Variants in METTL25 observed in about 807,000 individuals in gnomAD.
METTL25 encodes the protein methyltransferase like 25.
A neutral mutation model predicts 71.6 loss-of-function variants in METTL25; 64 were observed. That is an observed-to-expected ratio of 0.89 (90% CI 0.73 to 1.10). The LOEUF (loss-of-function observed/expected upper bound fraction) is 1.10. Ranked by LOEUF, METTL25 falls within the 50% of genes least tolerant of loss-of-function variation. METTL25 has a pLI of 0.00. For missense variants in METTL25, 807 were observed against 707.0 expected (o/e 1.14, Z -1.60); for synonymous variants, 287 against 250.3 (o/e 1.15, Z -1.38).
At chr12:82,454,490 G>A (rs927089559) in intron 8 of METTL25, among the ~76,000 whole-genome samples, 1 of 151,926 alleles carries the variant, frequency 6.6e-6, no homozygotes, top group African/African-American at 2.4e-5. Context: ...TTTTTTTCCT[G>A]TTATTGCTAA....
At chr12:82,445,442 C>T (rs1161794215) in intron 8 of METTL25, among the ~76,000 whole-genome samples, 1 of 151,790 alleles carries the variant, frequency 6.6e-6, no homozygotes, top group African/African-American at 2.4e-5. Context: ...AATTTTATAG[C>T]CACCTCTTAT....
intron 5 of METTL25, among the ~76,000 whole-genome samples, chr12:82,421,672 G>C (rs1262786425): frequency 6.6e-6 from 1 of 151,928 alleles, no homozygotes; most frequent in Non-Finnish European, 1.5e-5. Context: ...GAAGAAAAGA[G>C]AAAAGAATCA....
chr12:82,416,748 C>T (rs2137080637), intron 5 of METTL25, among the ~76,000 whole-genome samples: 1 of 152,206 alleles, frequency 6.6e-6, no homozygotes, highest in East Asian at 1.9e-4. Flanking sequence ...GCTGGGATTA[C>T]AGGTGTGAGC....
intron 11 of METTL25, among the ~76,000 whole-genome samples, chr12:82,478,094 AT>A (rs1198915482): frequency 2.0e-5 from 3 of 151,800 alleles, no homozygotes; most frequent in Non-Finnish European, 3.0e-5. Context: ...GAGAAAGGCA[AT>A]TTTTAAATAT....
intron 8 of METTL25, among the ~76,000 whole-genome samples, chr12:82,450,034 A>G (rs1042479846): frequency 6.6e-6 from 1 of 152,024 alleles, no homozygotes; most frequent in Non-Finnish European, 1.5e-5. Context: ...TGCCATTAGT[A>G]TTGCACCCAA....
chr12:82,365,853 C>T (rs1020279171), intron 1 of METTL25, among the ~76,000 whole-genome samples: 6 of 152,004 alleles, frequency 3.9e-5, no homozygotes, highest in African/African-American at 7.3e-5. Context: ...GAGGCCGAGG[C>T]GGGGGGATCA....
chr12:82,415,193 A>G (rs113651813), intron 5 of METTL25, among the ~76,000 whole-genome samples: 1 of 152,082 alleles, frequency 6.6e-6, no homozygotes, highest in African/African-American at 2.4e-5. Context: ...CATTAATAAA[A>G]AATGTTTTAA....
chr12:82,462,710 T>G (rs1891965222), intron 9 of METTL25, among the ~76,000 whole-genome samples: 1 of 152,132 alleles, frequency 6.6e-6, no homozygotes, highest in African/African-American at 2.4e-5. Context: ...AATTTTTCAC[T>G]GAAAAACACA....
chr12:82,436,861 T>G (rs1889953848), intron 7 of METTL25, among the ~76,000 whole-genome samples: 1 of 151,626 alleles, frequency 6.6e-6, no homozygotes, highest in Admixed American at 6.6e-5. Flanking sequence ...AAACCAAAAG[T>G]TAAGAACTTT....
chr12:82,404,656 C>T (rs1407737847), intron 5 of METTL25, among the ~76,000 whole-genome samples: 3 of 152,010 alleles, frequency 2.0e-5, no homozygotes, highest in Non-Finnish European at 4.4e-5. Context: ...CAGGTGTAGA[C>T]ACTTTGTGTG....
intron 9 of METTL25, among the ~76,000 whole-genome samples, chr12:82,459,367 C>A (rs974707769): frequency 6.6e-6 from 1 of 152,164 alleles, no homozygotes; most frequent in Admixed American, 6.5e-5. Context: ...GTGGCTCACA[C>A]CTGTAATCCC....
intron 1 of METTL25, among the ~76,000 whole-genome samples, chr12:82,362,582 G>T (rs1387537022): frequency 6.6e-6 from 1 of 152,154 alleles, no homozygotes; most frequent in Non-Finnish European, 1.5e-5. Flanking sequence ...GGTAGCCCAG[G>T]ACATCCTCAC....
chr12:82,373,150 T>A (rs762617799), intron 1 of METTL25, among the ~76,000 whole-genome samples: 7 of 152,158 alleles, frequency 4.6e-5, no homozygotes, highest in Non-Finnish European at 8.8e-5. Flanking sequence ...CTGTTAGTAT[T>A]GGGACCTTAC....
intron 5 of METTL25, among the ~76,000 whole-genome samples, chr12:82,404,878 A>T (rs141990870): frequency 1.3e-5 from 2 of 152,206 alleles, no homozygotes; most frequent in Non-Finnish European, 2.9e-5. Flanking sequence ...CAGGAGGCAC[A>T]GGTTGCAGTG....
At chr12:82,395,362 G>A (rs547289613) in intron 3 of METTL25, among the ~76,000 whole-genome samples, 1 of 152,120 alleles carries the variant, frequency 6.6e-6, no homozygotes, top group East Asian at 1.9e-4. Context: ...TGTTGAAAAT[G>A]GAGTGAAAAG....
At chr12:82,447,038 C>A (rs1042967371) in intron 8 of METTL25, among the ~76,000 whole-genome samples, 4 of 151,602 alleles carry the variant, frequency 2.6e-5, no homozygotes, top group African/African-American at 9.7e-5. Flanking sequence ...AGTAGAAAAA[C>A]TTGAAATAAA....
At chr12:82,367,000 T>C (rs1465127128) in intron 1 of METTL25, among the ~76,000 whole-genome samples, 3 of 152,220 alleles carry the variant, frequency 2.0e-5, no homozygotes, top group Non-Finnish European at 4.4e-5. Context: ...ATAATTTTTC[T>C]TTTTGTCTGT....
chr12:82,465,106 G>T (rs1892142470), intron 9 of METTL25, among the ~76,000 whole-genome samples: 1 of 151,566 alleles, frequency 6.6e-6, no homozygotes, highest in African/African-American at 2.4e-5. Context: ...TCTTTCTCTT[G>T]CCTAATTGTT....
At chr12:82,400,730 A>T (rs1375874790) in intron 4 of METTL25, among the ~76,000 whole-genome samples, 1 of 152,146 alleles carries the variant, frequency 6.6e-6, no homozygotes, top group Admixed American at 6.5e-5. Context: ...TGGATCCTAT[A>T]GCAAATCACA....
Sources: gnomAD v4.1 joint callset for allele counts (sites outside exome capture counted in the v4.1 genomes callset) on GRCh38, gnomAD v4.1.1 for gene constraint, MANE v1.5 for transcripts, NCBI Gene and HGNC (gene_info 2026-07-23, HGNC 2026-07-21) for gene names.